Variants in CALN1 observed in about 807,000 individuals in gnomAD.
CALN1 encodes calneuron 1.
Under a neutral mutation model 30.6 loss-of-function variants are expected in CALN1, and 17 were observed. The observed-to-expected ratio is 0.56, with a 90% CI of 0.38 to 0.83. The LOEUF is 0.83. CALN1 is among the 40% of genes least tolerant of loss of function. CALN1 has a pLI of 0.00. For synonymous variants in CALN1, 156 were observed against 131.4 expected (o/e 1.19, Z -1.28); for missense variants, 291 against 354.9 (o/e 0.82, Z 1.45).
intron 3 of CALN1, among the ~76,000 whole-genome samples, chr7:72,169,517 C>T (rs1211459542): frequency 2.7e-5 from 4 of 145,910 alleles, no homozygotes; most frequent in Non-Finnish European, 4.5e-5. Flanking sequence ...GATACAGAAT[C>T]TTTCTATGTT....
At chr7:72,169,508 A>C (rs1788786640) in intron 3 of CALN1, among the ~76,000 whole-genome samples, 1 of 144,700 alleles carries the variant, frequency 6.9e-6, no homozygotes, top group Non-Finnish European at 1.5e-5. Context: ...TTTTTTTCAG[A>C]TACAGAATCT....
intron 3 of CALN1, among the ~76,000 whole-genome samples, chr7:72,252,155 C>T (rs901557413): frequency 3.3e-5 from 5 of 152,110 alleles, no homozygotes; most frequent in Non-Finnish European, 7.3e-5. Context: ...CCTGGACTTT[C>T]TTTCTCCCCT....
the CALN1 span, among the ~76,000 whole-genome samples, chr7:72,501,948 T>TATATATATATATATATAC: frequency 7.7e-4 from 56 of 72,344 alleles, 2 homozygotes; most frequent in African/African-American, 3.9e-3. Context: ...TATATATATA[T>TATATATATATATATATAC]ACACACATAT....
intron 4 of CALN1, among the ~76,000 whole-genome samples, chr7:72,033,641 C>T (rs1801597932): frequency 6.6e-6 from 1 of 151,996 alleles, no homozygotes; most frequent in African/African-American, 2.4e-5. Flanking sequence ...GGTGAGGATG[C>T]CAGGAAGGAG....
intron 3 of CALN1, among the ~76,000 whole-genome samples, chr7:72,231,294 G>T (rs1325907872): frequency 6.6e-6 from 1 of 152,054 alleles, no homozygotes; most frequent in Admixed American, 6.6e-5. Flanking sequence ...CAACGCCCCT[G>T]TCCAACAGGC....
intron 4 of CALN1, among the ~76,000 whole-genome samples, chr7:72,062,511 C>CA (rs376093442): frequency 0.32 from 18,868 of 58,646 alleles, 2,201 homozygotes; most frequent in East Asian, 0.38. Flanking sequence ...GACTCTATCT[C>CA]AAAAAAAAAA....
chr7:72,175,003 T>TA (rs1322144146), intron 3 of CALN1, among the ~76,000 whole-genome samples: 3 of 151,944 alleles, frequency 2.0e-5, no homozygotes, highest in Non-Finnish European at 1.5e-5. Context: ...GGTATATACT[T>TA]AGTCAAAACT....
chr7:72,009,750 T>G (rs907483250), intron 5 of CALN1, among the ~76,000 whole-genome samples: 4 of 152,174 alleles, frequency 2.6e-5, no homozygotes, highest in Admixed American at 1.3e-4. Flanking sequence ...ATAACGGGTT[T>G]CCCTTTCATT....
chr7:71,943,064 T>C (rs142082457), intron 5 of CALN1, among the ~76,000 whole-genome samples: 1 of 152,266 alleles, frequency 6.6e-6, no homozygotes, highest in Non-Finnish European at 1.5e-5. Flanking sequence ...GTGTCTCATG[T>C]CTCCCTAAAT....
At chr7:72,304,784 T>C (rs1451749996) in intron 2 of CALN1, among the ~76,000 whole-genome samples, 1 of 152,236 alleles carries the variant, frequency 6.6e-6, no homozygotes, top group African/African-American at 2.4e-5. Flanking sequence ...TATAAAGTTC[T>C]TCAAAGGATA....
At chr7:72,237,904 G>C (rs377205003) in intron 3 of CALN1, among the ~76,000 whole-genome samples, 1 of 152,214 alleles carries the variant, frequency 6.6e-6, no homozygotes, top group East Asian at 1.9e-4. Context: ...CAACATCATG[G>C]CTCTTTCTGC....
chr7:72,492,042 C>T, the CALN1 span, among the ~76,000 whole-genome samples: 1 of 152,282 alleles, frequency 6.6e-6, no homozygotes, highest in Middle Eastern at 3.4e-3. Context: ...ATCATGCTCC[C>T]AATCTCATCT....
chr7:72,021,831 C>G (rs928765005), intron 5 of CALN1, among the ~76,000 whole-genome samples: 1 of 152,210 alleles, frequency 6.6e-6, no homozygotes, highest in Non-Finnish European at 1.5e-5. Flanking sequence ...CCTCCCTTTA[C>G]TTGGCTGCTT....
At chr7:72,314,443 T>A (rs546044001) in intron 2 of CALN1, among the ~76,000 whole-genome samples, 43 of 146,516 alleles carry the variant, frequency 2.9e-4, no homozygotes, top group South Asian at 1.1e-3. Context: ...TTTTTTTTTT[T>A]GAGAGAGTCT....
chr7:71,837,867 T>C (rs1400746409), intron 5 of CALN1, among the ~76,000 whole-genome samples: 3 of 151,900 alleles, frequency 2.0e-5, no homozygotes, highest in Admixed American at 6.6e-5. Context: ...CCATAACAAA[T>C]TGGATCTAAA....
chr7:72,196,698 C>A (rs1396597741), intron 3 of CALN1, among the ~76,000 whole-genome samples: 1 of 152,202 alleles, frequency 6.6e-6, no homozygotes, highest in South Asian at 2.1e-4. Flanking sequence ...AGGGAGAAAT[C>A]GGAATGCAAA....
chr7:72,387,991 CAT>C (rs576705339), intron 2 of CALN1, among the ~76,000 whole-genome samples: 66 of 152,130 alleles, frequency 4.3e-4, no homozygotes, highest in Non-Finnish European at 8.1e-4. Flanking sequence ...TTAACAATAA[CAT>C]GTTGTATATT....
At chr7:72,415,533 A>C (rs1034710693), upstream of CALN1, among the ~76,000 whole-genome samples, 1 of 152,268 alleles carries the variant, frequency 6.6e-6, no homozygotes, top group Non-Finnish European at 1.5e-5. Context: ...TGATTTTTTA[A>C]ATGCTGGCAA....
intron 5 of CALN1, among the ~76,000 whole-genome samples, chr7:71,928,414 A>G (rs1795378266): frequency 6.6e-6 from 1 of 150,528 alleles, no homozygotes; most frequent in African/African-American, 2.4e-5. Flanking sequence ...CTGGGGCTTC[A>G]ATTCTCTGAG....
Sources: allele counts gnomAD v4.1 joint callset (sites outside exome capture counted in the v4.1 genomes callset), GRCh38; gene constraint gnomAD v4.1.1; transcripts MANE v1.5; gene names NCBI Gene and HGNC (gene_info 2026-07-23, HGNC 2026-07-21).